BCL2: variants seen among roughly 807,000 people sequenced by gnomAD.
BCL2 encodes BCL2 apoptosis regulator.
A neutral mutation model predicts 14.2 loss-of-function variants in BCL2; 1 was observed. That is an observed-to-expected ratio of 0.07 (90% CI 0.02 to 0.33). The LOEUF (loss-of-function observed/expected upper bound fraction) is 0.33, where lower values mean the gene tolerates loss of function less well. Ranked by LOEUF, BCL2 falls within the 10% of genes least tolerant of loss-of-function variation. BCL2 has a pLI of 0.99. For synonymous variants in BCL2, 151 were observed against 137.2 expected (o/e 1.10, Z -0.70); for missense variants, 247 against 305.9 (o/e 0.81, Z 1.44).
chr18:63,299,772 A>T (rs1912905505), intron 2 of BCL2, among the ~76,000 whole-genome samples: 1 of 146,912 alleles, frequency 6.8e-6, no homozygotes, highest in African/African-American at 2.5e-5. Context: ...ACCCTTTCAC[A>T]TTCTCCAGAG....
intron 2 of BCL2, chr18:63,317,593 A>C (rs1386663465): frequency 1.0e-6 from 1 of 993,236 alleles, no homozygotes; most frequent in Non-Finnish European, 1.2e-6. Context: ...TGTGGAGTCT[A>C]TTCTTCTAAT....
At chr18:63,270,593 C>G (rs1911977746) in intron 2 of BCL2, among the ~76,000 whole-genome samples, 1 of 152,134 alleles carries the variant, frequency 6.6e-6, no homozygotes, top group Admixed American at 6.5e-5. Context: ...ACACAAGACC[C>G]TGACAACATA....
intron 2 of BCL2, among the ~76,000 whole-genome samples, chr18:63,174,890 A>G (rs1489278335): frequency 6.6e-6 from 1 of 150,656 alleles, no homozygotes; most frequent in African/African-American, 2.5e-5. Context: ...CATCTCCCCC[A>G]AAACACTAAA....
chr18:63,292,677 C>A lies in BCL2; in HGVS notation c.585+25405G>T, dbSNP rs1912685817. Among the ~76,000 whole-genome samples, 3 of 152,326 alleles carry A rather than the reference C, an allele frequency of 2.0e-5. No homozygotes were observed. In the South Asian group the frequency reaches 6.2e-4, roughly 32 times the overall value. ...TCACCAATGTCTTGAATGAATGGTT[C>A]TTCAGCCATGACACATCGTACTGAG... On this transcript the variant is annotated intron_variant, in intron 2 of 2. Transcript: ENST00000333681.
chr18:63,260,426 C>T (rs1335786771), intron 2 of BCL2, among the ~76,000 whole-genome samples: 1 of 152,054 alleles, frequency 6.6e-6, no homozygotes, highest in African/African-American at 2.4e-5. Flanking sequence ...CTCATTTTAT[C>T]AAAAAAGATC....
chr18:63,231,628 A>T (rs1910690680), intron 2 of BCL2, among the ~76,000 whole-genome samples: 1 of 152,070 alleles, frequency 6.6e-6, no homozygotes, highest in Admixed American at 6.5e-5. Flanking sequence ...CTAGGAATAA[A>T]TCTAAAGAAA....
At chr18:63,264,976 A>G (rs909208297) in intron 2 of BCL2, among the ~76,000 whole-genome samples, 39 of 1,940 alleles carry the variant, frequency 0.02, no homozygotes, top group African/African-American at 0.076. Flanking sequence ...TGACCCATGG[A>G]AAGAAACCAA....
chr18:63,265,525 A>C (rs1396758867), intron 2 of BCL2, among the ~76,000 whole-genome samples: 1 of 152,172 alleles, frequency 6.6e-6, no homozygotes, highest in African/African-American at 2.4e-5. Flanking sequence ...ACAACCTCAC[A>C]CACCCATGCA....
At chr18:63,167,713 G>A (rs1020460470) in intron 2 of BCL2, among the ~76,000 whole-genome samples, 26 of 152,132 alleles carry the variant, frequency 1.7e-4, no homozygotes, top group Non-Finnish European at 2.9e-5. Context: ...GGATCATAAG[G>A]TCAAGAGATC....
At position 63,128,512 on chromosome 18, in the gene BCL2, T is replaced by C. The variant is rs1913975430; in HGVS notation, c.*113A>G. 3.0e-6 allele frequency: 2 copies of C among 665,642 alleles called. No homozygotes were observed. Among genetic ancestry groups the C allele is most frequent in the Non-Finnish European group, 5.6e-6 (2 of 357,696 alleles). The allele number at this position is 665,642 out of a possible 1,614,324, so 41.2% of individuals were successfully genotyped here. On this transcript the variant is annotated 3_prime_UTR_variant, in exon 3 of 3. Coordinates refer to ENST00000333681, the MANE Select transcript of BCL2 (RefSeq NM_000633.3). ...GTGTGTGATGTTTATATGTGTGTTA[T>C]TTTTTCTTAAACAGCCTGCAGCTTT...
chr18:63,280,646 C>T (rs1017803744), intron 2 of BCL2, among the ~76,000 whole-genome samples: 2 of 152,182 alleles, frequency 1.3e-5, no homozygotes, highest in African/African-American at 2.4e-5. Context: ...CCACTTCACA[C>T]TCATGAAGAG....
rs968764020 is a variant in BCL2, at chr18:63,237,435, T to C, written c.585+80647A>G. On this transcript the variant is annotated intron_variant, in intron 2 of 2. Coordinates refer to ENST00000333681, the MANE Select transcript of BCL2 (RefSeq NM_000633.3). ...TAAAAATGCGATACAAGATCGCATG[T>C]CTGAGATGATTTCTTGCAGTCCTGG... Among the ~76,000 whole-genome samples the C allele has an allele frequency of 2.0e-5, 3 of 152,326 alleles. No individual in the cohort carries two copies. In the South Asian group the frequency reaches 6.2e-4, roughly 32 times the overall value.
chr18:63,180,930 G>A (rs947968800), intron 2 of BCL2, among the ~76,000 whole-genome samples: 2 of 152,216 alleles, frequency 1.3e-5, no homozygotes, highest in African/African-American at 2.4e-5. Flanking sequence ...ATGCCCAGTG[G>A]AAACGTGTCA....
intron 2 of BCL2, among the ~76,000 whole-genome samples, chr18:63,307,039 T>G (rs1821491847): frequency 6.6e-6 from 1 of 152,156 alleles, no homozygotes; most frequent in African/African-American, 2.4e-5. Flanking sequence ...TTTAAAAGTA[T>G]GGTATAAATG....
chr18:63,271,338 G>A (rs1299383347), intron 2 of BCL2, among the ~76,000 whole-genome samples: 1 of 152,176 alleles, frequency 6.6e-6, no homozygotes, highest in Non-Finnish European at 1.5e-5. Flanking sequence ...TTCTCCAGAT[G>A]AATGACAAAG....
rs911482264 is a variant in BCL2, at chr18:63,126,588, C to T, written c.*2037G>A. The stretch of plus-strand genomic sequence containing the variant: ...CTGTCACAATAAACAATTCTGTTGA[C>T]GTGGAAATGCACATGACTTGGTTGA... On this transcript the variant is annotated 3_prime_UTR_variant, in exon 3 of 3. Transcript: ENST00000333681. The T allele has an allele frequency of 7.0e-5, 16 of 228,918 alleles. No individual in the cohort carries two copies. The highest frequency in any genetic ancestry group is 1.8e-4 in the South Asian group (1 of 5,502). The allele number at this position is 228,918 out of a possible 1,614,324, so 14.2% of individuals were successfully genotyped here.
At position 63,318,411 on chromosome 18, in the gene BCL2, G is replaced by C. The variant is rs1913572113; in HGVS notation, c.256C>G (p.Leu86Val). ...AAPGAAAGPA[L>V]SPVPPVVHLT... Reference sequence around the variant, plus strand: ...TGGACCACAGGTGGCACCGGGCTGAGCGCAGGCCCCGCGGCGGCGCCGGGG... The same window carrying C: ...TGGACCACAGGTGGCACCGGGCTGACCGCAGGCCCCGCGGCGGCGCCGGGG... Residue 86 changes from leucine to valine, a missense_variant, in exon 2 of 3, where the codon CTC becomes GTC. Physicochemically the swap from Leu to Val is conservative, Grantham distance 32 (BLOSUM62 1). Coordinates refer to ENST00000333681, the MANE Select transcript of BCL2 (RefSeq NM_000633.3). This position sits in a 1 kb window ranked among gnomAD's most constrained non-coding sequence, Gnocchi z 7.4. The C allele has an allele frequency of 2.0e-6, 3 of 1,512,652 alleles. 1 individual carries two copies. The South Asian group carries it at 4.0e-5, about 20-fold the overall frequency. 93.7% of individuals were successfully genotyped at this position (1,512,652 alleles called of 1,614,324 possible). A position where few individuals can be genotyped will look rare whatever the true frequency, so the allele number is the denominator to read the frequency against.
At chr18:63,317,743 G>A (rs377549742) in intron 2 of BCL2, 8 of 1,145,654 alleles carry the variant, frequency 7.0e-6, no homozygotes, top group East Asian at 9.0e-5. Flanking sequence ...AGCTGCTCAA[G>A]CCAGGAAACG....
At chr18:63,204,389 C>T (rs757667272) in intron 2 of BCL2, among the ~76,000 whole-genome samples, 1 of 152,174 alleles carries the variant, frequency 6.6e-6, no homozygotes, top group Admixed American at 6.5e-5. Context: ...ACCTCCACAG[C>T]GGGGCCAACC....
Sources: allele counts gnomAD v4.1 joint callset (sites outside exome capture counted in the v4.1 genomes callset), GRCh38; gene constraint gnomAD v4.1.1; non-coding constraint Gnocchi (gnomAD v3.1); transcripts MANE v1.5; gene names NCBI Gene and HGNC (gene_info 2026-07-23, HGNC 2026-07-21).